The following ELAPOR2 variants were observed in gnomAD, a reference collection of about 807,000 sequenced individuals.
The protein encoded by ELAPOR2 is endosome/lysosome-associated apoptosis and autophagy regulator family member 2.
In ELAPOR2, 89 loss-of-function variants were observed where a neutral mutation model predicts 120.7. That is an observed-to-expected ratio of 0.74 (90% confidence interval 0.62 to 0.88). The LOEUF is 0.88. Among genes scored for constraint, ELAPOR2 ranks in the 40% least tolerant of loss-of-function variants. The probability of loss-of-function intolerance (pLI) is 0.00; values close to 1 mark genes in which losing one functional copy is unlikely to be tolerated. For synonymous variants in ELAPOR2, 444 were observed against 444.9 expected, an observed-to-expected ratio of 1.00 and a Z score of 0.03; for missense variants, 1,134 against 1,251.6, an observed-to-expected ratio of 0.91 and a Z score of 1.42.
intron 1 of ELAPOR2, among the ~76,000 whole-genome samples, chr7:87,053,332 A>C (rs1207669194): frequency 1.3e-5 from 2 of 152,220 alleles, no homozygotes; most frequent in African/African-American, 4.8e-5. Flanking sequence ...TTTGCTAATA[A>C]GATGATACAA....
At chr7:86,888,548 C>A (rs1368509881) in intron 21 of ELAPOR2, among the ~76,000 whole-genome samples, 1 of 152,136 alleles carries the variant, frequency 6.6e-6, no homozygotes, top group Admixed American at 6.6e-5. Context: ...GCTCTCATCA[C>A]AATTCATTTG....
chr7:86,947,768 A>G lies in ELAPOR2; in HGVS notation c.465T>C (p.Thr155=), dbSNP rs952987493. 1 of 1,551,740 alleles carries G rather than the reference A, an allele frequency of 6.4e-7. No individual in the cohort carries two copies. The highest frequency in any genetic ancestry group is 2.4e-5 in the East Asian group (1 of 40,926). ...GFSNIATFMD[T]VVGPSDSRPD... is the part of the protein sequence containing the mutation. ...GCCTGCTGTCAGAAGGGCCCACCAC[A>G]GTGTCCATGAATGTTGCGATGTTAG... Residue 155 remains threonine (T), a synonymous_variant, in exon 3 of 22, where the codon ACT becomes ACC. Transcript: ENST00000450689.
At chr7:86,976,030 AGGGATATCCATGTGCT>A (rs903224340) in intron 1 of ELAPOR2, among the ~76,000 whole-genome samples, 1 of 152,118 alleles carries the variant, frequency 6.6e-6, no homozygotes, top group Non-Finnish European at 1.5e-5. Context: ...AGAAAGTGAG[AGGGATATCCATGTGCT>A]TTTTTTCTTC....
intron 1 of ELAPOR2, among the ~76,000 whole-genome samples, chr7:87,004,212 C>T (rs1264633178): frequency 6.6e-6 from 1 of 152,128 alleles, no homozygotes; most frequent in Non-Finnish European, 1.5e-5. Context: ...ACAACAGATG[C>T]CTCTCTTTCC....
At chr7:86,950,034 T>C (rs1257510163) in intron 2 of ELAPOR2, among the ~76,000 whole-genome samples, 4 of 152,182 alleles carry the variant, frequency 2.6e-5, no homozygotes, top group Admixed American at 6.5e-5. Context: ...TGGCCGCCCA[T>C]TGACCAATCA....
intron 1 of ELAPOR2, among the ~76,000 whole-genome samples, chr7:86,965,310 C>T (rs1791865886): frequency 6.6e-6 from 1 of 152,176 alleles, no homozygotes. Context: ...ACTTCCCTAT[C>T]TCTTGCAGGC....
chr7:87,036,576 T>C (rs1359563998), intron 1 of ELAPOR2, among the ~76,000 whole-genome samples: 1 of 152,202 alleles, frequency 6.6e-6, no homozygotes, highest in Non-Finnish European at 1.5e-5. Context: ...ATGTGGTACA[T>C]ATACCCCATG....
intron 18 of ELAPOR2, among the ~76,000 whole-genome samples, chr7:86,904,159 T>A (rs1184220884): frequency 6.6e-6 from 1 of 152,232 alleles, no homozygotes; most frequent in African/African-American, 2.4e-5. Flanking sequence ...AAGGATCTTG[T>A]GGATGCTGTG....
Position 86,944,992 on chromosome 7 carries a change from C to T in ELAPOR2, c.561G>A (p.Thr187=), listed in dbSNP as rs746333179. ...GGTGCACAGCATAGATCAAAGACAC[C>T]GTGCAGTCATCACGATTAGATTCTA... is the stretch of plus-strand genomic sequence containing the variant. The part of the protein sequence containing the change: ...NYIESNRDDC[T]VSLIYAVHLK... Residue 187 remains threonine, a synonymous_variant, in exon 4 of 22, where the codon ACG becomes ACA. Transcript: ENST00000450689. The T allele has an allele frequency of 1.5e-5, 23 of 1,550,384 alleles. No homozygotes were observed. The highest frequency in any genetic ancestry group is 1.9e-5 in the Non-Finnish European group (22 of 1,146,446).
intron 1 of ELAPOR2, among the ~76,000 whole-genome samples, chr7:87,042,058 TA>T (rs1179270448): frequency 6.7e-6 from 1 of 150,308 alleles, no homozygotes; most frequent in Non-Finnish European, 1.5e-5. Flanking sequence ...CAAGAAGAGC[TA>T]ACTATCCTAA....
At chr7:86,951,950 T>C (rs1489155116) in intron 2 of ELAPOR2, among the ~76,000 whole-genome samples, 1 of 152,184 alleles carries the variant, frequency 6.6e-6, no homozygotes, top group African/African-American at 2.4e-5. Context: ...AGCCTTCACA[T>C]TGGCACTATA....
At chr7:86,991,327 G>T (rs541076242) in intron 1 of ELAPOR2, among the ~76,000 whole-genome samples, 6 of 152,072 alleles carry the variant, frequency 3.9e-5, no homozygotes, top group African/African-American at 7.2e-5. Flanking sequence ...TTACTGAATA[G>T]CTGGCCAGTC....
Position 86,914,844 on chromosome 7 carries a change from C to T in ELAPOR2, c.1610G>A (p.Ser537Asn), listed in dbSNP as rs1289353052. The T allele has an allele frequency of 6.2e-7, 1 of 1,609,144 alleles. No individual in the cohort carries two copies. Among genetic ancestry groups the T allele is most frequent in the Admixed American group, 1.7e-5 (1 of 59,282 alleles). Residue 537 changes from serine (S) to asparagine (N), a missense_variant, in exon 13 of 22, where the codon AGT becomes AAT. Ser to Asn is a conservative substitution (Grantham distance 46, BLOSUM62 1). Transcript: ENST00000450689. ...ACCCCACGATTCTACCACATTTGTA[C>T]TTTTTCTATTAATATCCTGAAATAT... ...LYFMVDINRK[S>N]TNVVESWGGT...
intron 1 of ELAPOR2, among the ~76,000 whole-genome samples, chr7:87,022,618 G>A (rs1200483819): frequency 6.6e-6 from 1 of 151,874 alleles, no homozygotes; most frequent in African/African-American, 2.4e-5. Flanking sequence ...TGGGTCAAAT[G>A]GTATTTCTAG....
rs1169478110 is a variant in ELAPOR2, at chr7:87,023,382, C to T, written c.189+35943G>A. Reference sequence around the variant, plus strand: ...CAAAGATCAGATAGTTGCAGATATGCGGCATTATTTCTGAGGGCTCTGTTC... The same window carrying T: ...CAAAGATCAGATAGTTGCAGATATGTGGCATTATTTCTGAGGGCTCTGTTC... On this transcript the variant is annotated intron_variant, in intron 1 of 21. Coordinates refer to ENST00000450689, the MANE Select transcript of ELAPOR2 (RefSeq NM_001142749.3). Among the ~76,000 whole-genome samples, 35 of 152,104 alleles carry T rather than the reference C, an allele frequency of 2.3e-4. No homozygotes were observed. The East Asian group carries it at 5.8e-3, about 25-fold the overall frequency.
chr7:86,885,501 C>T (rs1799645886), intron 21 of ELAPOR2, among the ~76,000 whole-genome samples: 1 of 152,108 alleles, frequency 6.6e-6, no homozygotes, highest in Non-Finnish European at 1.5e-5. Flanking sequence ...GTCTTAATGC[C>T]TCCCTCCCAA....
At chr7:87,010,970 A>T (rs1465407436) in intron 1 of ELAPOR2, among the ~76,000 whole-genome samples, 1 of 152,138 alleles carries the variant, frequency 6.6e-6, no homozygotes, top group African/African-American at 2.4e-5. Context: ...ATAAATTTTT[A>T]AAAAGAAAAT....
intron 2 of ELAPOR2, among the ~76,000 whole-genome samples, chr7:86,960,949 A>G (rs1288192903): frequency 6.6e-6 from 1 of 152,186 alleles, no homozygotes; most frequent in Non-Finnish European, 1.5e-5. Context: ...ACTAAATATT[A>G]GAAGTTTATA....
rs559985003 is a variant in ELAPOR2, at chr7:86,897,530, C to G, written c.2661G>C (p.Glu887Asp). 8 of 1,613,076 alleles carry G rather than the reference C, an allele frequency of 5.0e-6. No homozygotes were observed. Among genetic ancestry groups the G allele is most frequent in the African/African-American group, 2.7e-5 (2 of 74,956 alleles). ...CCTGAAATCCTCTCTTGCAGGCTCC[C>G]TCAATCTCATGGAAGTCATGCTCCG... The part of the protein sequence containing the change: ...LCTEHDFHEI[E>D]GACKRGFQET... Residue 887 changes from glutamate to aspartate, a missense_variant, in exon 19 of 22, where the codon GAG (glutamate) becomes GAC (aspartate). Transcript: ENST00000450689.
Sources: allele counts gnomAD v4.1 joint callset (sites outside exome capture counted in the v4.1 genomes callset), GRCh38; gene constraint gnomAD v4.1.1; transcripts MANE v1.5; gene names NCBI Gene and HGNC (gene_info 2026-07-23, HGNC 2026-07-21).